Variants in LSAMP observed in about 807,000 individuals in gnomAD.
The protein encoded by LSAMP is limbic system-associated membrane protein.
LSAMP carries 7 observed loss-of-function variants against 38.6 expected under a neutral mutation model. The ratio of observed to expected loss-of-function variants is 0.18; its 90% CI spans 0.10 to 0.34. The LOEUF is 0.34. Among genes scored for constraint, LSAMP ranks in the 10% least tolerant of loss-of-function variants. The probability of loss-of-function intolerance (pLI) is 1.00; values close to 1 mark genes in which losing one functional copy is unlikely to be tolerated. For missense variants in LSAMP, 313 were observed against 420.0 expected (o/e 0.75, Z 2.23); for synonymous variants, 154 against 166.8 (o/e 0.92, Z 0.59).
chr3:116,350,233 G>T, intron 1 of LSAMP, among the ~76,000 whole-genome samples: 1 of 152,012 alleles, frequency 6.6e-6, no homozygotes, highest in East Asian at 1.9e-4. Context: ...AAATTTGACT[G>T]TATTCTTTCA....
intron 1 of LSAMP, among the ~76,000 whole-genome samples, chr3:116,160,749 A>G (rs766582584): frequency 3.9e-4 from 59 of 152,338 alleles, no homozygotes; most frequent in Admixed American, 5.9e-4. Context: ...ATGTGAGGAC[A>G]TACTCTATGA....
At chr3:116,053,850 C>T (rs1941440848) in intron 2 of LSAMP, among the ~76,000 whole-genome samples, 1 of 152,164 alleles carries the variant, frequency 6.6e-6, no homozygotes, top group Non-Finnish European at 1.5e-5. Flanking sequence ...GATAGGTGGA[C>T]TGGAGGATTT....
chr3:116,282,746 C>A (rs2047142465), intron 1 of LSAMP, among the ~76,000 whole-genome samples: 1 of 149,238 alleles, frequency 6.7e-6, no homozygotes, highest in Non-Finnish European at 1.5e-5. Flanking sequence ...TTAGGAATCC[C>A]AGTGATACTC....
At chr3:115,988,266 C>T (rs1195081148) in intron 3 of LSAMP, among the ~76,000 whole-genome samples, 2 of 152,102 alleles carry the variant, frequency 1.3e-5, no homozygotes, top group Non-Finnish European at 2.9e-5. Context: ...CTATATTTCA[C>T]TTAAAATCAC....
chr3:116,143,729 G>A (rs1322562349), intron 1 of LSAMP, among the ~76,000 whole-genome samples: 1 of 151,758 alleles, frequency 6.6e-6, no homozygotes, highest in South Asian at 2.1e-4. Flanking sequence ...TTTCAAAAAA[G>A]TAGCTTCTGA....
At chr3:116,371,355 A>G (rs1235650200) in intron 1 of LSAMP, among the ~76,000 whole-genome samples, 1 of 152,186 alleles carries the variant, frequency 6.6e-6, no homozygotes, top group African/African-American at 2.4e-5. Flanking sequence ...ACAATTACCA[A>G]ATAGAATTTA....
chr3:115,939,694 A>G (rs1576237937), intron 3 of LSAMP, among the ~76,000 whole-genome samples: 1 of 152,030 alleles, frequency 6.6e-6, no homozygotes, highest in East Asian at 1.9e-4. Flanking sequence ...ATCTGAAACT[A>G]TAGGCACACA....
At position 115,806,053 on chromosome 3, in the gene LSAMP, C is replaced by A. The variant is rs1933622768; in HGVS notation, c.*4264G>T. The A allele has an allele frequency of 6.6e-6, 1 of 152,008 alleles. No homozygotes were observed. The highest frequency in any genetic ancestry group is 1.5e-5 in the Non-Finnish European group (1 of 67,992). The allele number at this position is 152,008 out of a possible 1,614,324, so 9.4% of individuals were successfully genotyped here. On this transcript the variant is annotated 3_prime_UTR_variant, in exon 7 of 7. Coordinates refer to ENST00000490035, the MANE Select transcript of LSAMP (RefSeq NM_002338.5). ...TTCTCTTAAAAAATGATATTGGTAA[C>A]CAAGACTAAATGCAGGCTAAAAGTG...
At position 116,185,894 on chromosome 3, in the gene LSAMP, C is replaced by CAA. The variant is rs58376954; in HGVS notation, c.156-99340_156-99339dup. 1.3e-3 allele frequency among the ~76,000 whole-genome samples: 139 copies of CAA among 105,934 alleles called. 1 individual carries two copies. In the South Asian group the frequency reaches 0.026, roughly 19 times the overall value. The allele number at this position is 105,934 out of a possible 152,430, so 69.5% of individuals were successfully genotyped here. On this transcript the variant is annotated intron_variant, in intron 1 of 6. Coordinates refer to ENST00000490035, the MANE Select transcript of LSAMP (RefSeq NM_002338.5). ...AAAGGCGGGAAGGAGGAAAAAGAAG[C>CAA]AAAAAAAAAAAAAAAGACCTCTTTA... is the stretch of plus-strand genomic sequence containing the variant.
At chr3:116,211,813 T>C (rs1475149396) in intron 1 of LSAMP, among the ~76,000 whole-genome samples, 1 of 152,202 alleles carries the variant, frequency 6.6e-6, no homozygotes, top group East Asian at 1.9e-4. Flanking sequence ...GAAACCTATA[T>C]CATTTCTGGT....
chr3:116,207,457 C>A (rs1357869858), intron 1 of LSAMP, among the ~76,000 whole-genome samples: 1 of 148,648 alleles, frequency 6.7e-6, no homozygotes, highest in African/African-American at 2.5e-5. Context: ...ATGATGTTAG[C>A]TGGTGATTTT....
At chr3:115,873,748 G>A (rs1379416190) in intron 3 of LSAMP, among the ~76,000 whole-genome samples, 2 of 152,112 alleles carry the variant, frequency 1.3e-5, no homozygotes, top group African/African-American at 4.8e-5. Flanking sequence ...TGACCTATAA[G>A]ATTGCTAAGA....
chr3:116,219,390 G>A (rs1159520207), intron 1 of LSAMP, among the ~76,000 whole-genome samples: 1 of 152,160 alleles, frequency 6.6e-6, no homozygotes, highest in Non-Finnish European at 1.5e-5. Flanking sequence ...CTTGGGTATT[G>A]TGAATAGTGC....
At chr3:116,420,740 G>A (rs573415756) in intron 1 of LSAMP, among the ~76,000 whole-genome samples, 1 of 152,110 alleles carries the variant, frequency 6.6e-6, no homozygotes, top group Non-Finnish European at 1.5e-5. Context: ...AGCCGGGCGT[G>A]GTGGTATGCA....
chr3:116,263,442 G>T (rs1156600499), intron 1 of LSAMP, among the ~76,000 whole-genome samples: 1 of 151,810 alleles, frequency 6.6e-6, no homozygotes, highest in African/African-American at 2.4e-5. Flanking sequence ...GGAGGCTGAG[G>T]CACGAGAATG....
At chr3:116,040,980 G>A (rs2107716845) in intron 2 of LSAMP, among the ~76,000 whole-genome samples, 1 of 152,278 alleles carries the variant, frequency 6.6e-6, no homozygotes, top group African/African-American at 2.4e-5. Context: ...CTAGAGTGCT[G>A]TGGTGTGATT....
intron 3 of LSAMP, among the ~76,000 whole-genome samples, chr3:115,902,675 G>T (rs1023771452): frequency 2.0e-5 from 3 of 152,060 alleles, no homozygotes; most frequent in African/African-American, 4.8e-5. Flanking sequence ...TTGAAAAGTG[G>T]GCAAAGGACA....
intron 1 of LSAMP, among the ~76,000 whole-genome samples, chr3:116,403,289 A>G (rs2048861416): frequency 6.6e-6 from 1 of 152,158 alleles, no homozygotes; most frequent in Non-Finnish European, 1.5e-5. Context: ...CCTTTTCTTT[A>G]TAGTTAAAAC....
At chr3:116,376,461 T>A (rs1163924843) in intron 1 of LSAMP, among the ~76,000 whole-genome samples, 2 of 152,030 alleles carry the variant, frequency 1.3e-5, no homozygotes, top group East Asian at 3.9e-4. Flanking sequence ...GAGATTGCAG[T>A]GGGATTCAGG....
Sources: gnomAD v4.1 joint callset for allele counts (sites outside exome capture counted in the v4.1 genomes callset) on GRCh38, gnomAD v4.1.1 for gene constraint, MANE v1.5 for transcripts, NCBI Gene and HGNC (gene_info 2026-07-23, HGNC 2026-07-21) for gene names.